The following AK9 variants were observed in gnomAD, a reference collection of about 807,000 sequenced individuals.
AK9 encodes the protein adenylate kinase 9.
A neutral mutation model predicts 239.6 loss-of-function variants in AK9; 191 were observed. The ratio of observed to expected loss-of-function variants is 0.80; its 90% CI spans 0.71 to 0.90. The LOEUF is 0.90. Ranked by LOEUF, AK9 falls within the 40% of genes least tolerant of loss-of-function variation. The probability of loss-of-function intolerance (pLI) is 0.00; values close to 1 mark genes in which losing one functional copy is unlikely to be tolerated. For synonymous variants in AK9, 689 were observed against 721.0 expected, an observed-to-expected ratio of 0.96 and a Z score of 0.71; for missense variants, 1,995 against 2,214.7, an observed-to-expected ratio of 0.90 and a Z score of 1.99.
intron 28 of AK9, among the ~76,000 whole-genome samples, chr6:109,529,311 T>A (rs2128131019): frequency 1.3e-5 from 2 of 152,302 alleles, no homozygotes; most frequent in South Asian, 4.1e-4. Flanking sequence ...CAGTTACTCT[T>A]TCCACAAAGT....
intron 2 of AK9, 123 bp from the exon 3 acceptor site, chr6:109,674,384 A>G: frequency 1.5e-6 from 1 of 680,040 alleles, no homozygotes; most frequent in Non-Finnish European, 2.3e-6. Context: ...TTTTTCCCAT[A>G]AAAAATGAAG....
intron 26 of AK9, among the ~76,000 whole-genome samples, chr6:109,544,647 G>A (rs1172213752): frequency 6.6e-6 from 1 of 152,178 alleles, no homozygotes; most frequent in Non-Finnish European, 1.5e-5. Flanking sequence ...CCAAGCAGAT[G>A]CCACTATGCT....
chr6:109,494,753 T>C (rs1776862281), intron 39 of AK9, among the ~76,000 whole-genome samples: 1 of 138,394 alleles, frequency 7.2e-6, no homozygotes, highest in African/African-American at 2.6e-5. Context: ...TTTTGTAGAC[T>C]TTTTTTAAAA....
At chr6:109,683,946 T>C (rs578258276) in intron 1 of AK9, among the ~76,000 whole-genome samples, 30 of 152,230 alleles carry the variant, frequency 2.0e-4, no homozygotes, top group African/African-American at 7.2e-4. Flanking sequence ...GCCAAGACAA[T>C]CCTAAGCAAT....
At chr6:109,651,067 A>G (rs1252506118) in intron 8 of AK9, among the ~76,000 whole-genome samples, 1 of 149,038 alleles carries the variant, frequency 6.7e-6, no homozygotes, top group Admixed American at 6.7e-5. Flanking sequence ...AACATCACAC[A>G]CCGGGGACTG....
At chr6:109,675,948 C>A (rs543114613) in intron 1 of AK9, among the ~76,000 whole-genome samples, 192 bp from the exon 2 acceptor site, 251 of 151,988 alleles carry the variant, frequency 1.7e-3, no homozygotes, top group African/African-American at 5.8e-3. Flanking sequence ...TAGTTTGAGA[C>A]AAAAACAAAA....
intron 17 of AK9, among the ~76,000 whole-genome samples, chr6:109,593,373 T>C (rs2128220914): frequency 6.6e-6 from 1 of 152,142 alleles, no homozygotes; most frequent in East Asian, 1.9e-4. Context: ...CAGTAATTAA[T>C]AGCCTACCAA....
chr6:109,638,246 C>T (rs1189679308), intron 10 of AK9, among the ~76,000 whole-genome samples: 2 of 152,076 alleles, frequency 1.3e-5, no homozygotes, highest in Non-Finnish European at 2.9e-5. Context: ...CATTGATGAC[C>T]TAGAACAGGA....
Position 109,531,919 on chromosome 6 carries a change from C to G in AK9, c.3570+1332G>C, listed in dbSNP as rs143531252. ...TGATACTGTGCAGACCAGTGATGGC[C>G]TGGGACATGCAACCTTAGTGTGGTG... On this transcript the variant is annotated intron_variant, in intron 28 of 40. Coordinates refer to ENST00000424296, the MANE Select transcript of AK9 (RefSeq NM_001145128.3). 2.6e-4 allele frequency among the ~76,000 whole-genome samples: 39 copies of G among 152,260 alleles called. No individual in the cohort carries two copies. In the East Asian group the frequency reaches 6.2e-3, roughly 24 times the overall value.
chr6:109,637,269 G>A (rs1200926499), intron 10 of AK9, among the ~76,000 whole-genome samples: 2 of 152,132 alleles, frequency 1.3e-5, no homozygotes, highest in Admixed American at 6.5e-5. Context: ...AGTTGTAGTT[G>A]TTCTTTACAT....
Position 109,674,062 on chromosome 6 carries a change from T to C in AK9, c.181+136A>G, listed in dbSNP as rs548173940. On this transcript the variant is annotated intron_variant, in intron 3 of 40. Transcript: ENST00000424296. The stretch of plus-strand genomic sequence containing the variant: ...GGTTGATAGGTGGACAAATGTGTGA[T>C]AAAGCAAATATAGCAAAACGTTAAT... The C allele has an allele frequency of 4.3e-5, 22 of 517,200 alleles. No homozygotes were observed. The East Asian group carries it at 7.6e-4, about 18-fold the overall frequency. 32.0% of individuals were successfully genotyped at this position (517,200 alleles called of 1,614,324 possible).
intron 12 of AK9, among the ~76,000 whole-genome samples, chr6:109,621,913 CAAAAAAAAAACAGAA>C (rs1369890825): frequency 2.8e-5 from 2 of 70,298 alleles, no homozygotes; most frequent in Non-Finnish European, 5.3e-5. Flanking sequence ...AAAAAAAAAA[CAAAAAAAAAACAGAA>C]AGAGAAATTC....
chr6:109,546,271 C>G, intron 25 of AK9, 144 bp from the exon 26 acceptor site: 1 of 690,048 alleles, frequency 1.4e-6, no homozygotes, highest in Non-Finnish European at 2.3e-6. Context: ...CTCAAGGATG[C>G]TTAGATATTA....
At chr6:109,536,489 TAAG>T (rs1782011640) in intron 27 of AK9, among the ~76,000 whole-genome samples, 1 of 152,246 alleles carries the variant, frequency 6.6e-6, no homozygotes, top group Non-Finnish European at 1.5e-5. Context: ...CTTATCAGCT[TAAG>T]GAGATTTGGG....
chr6:109,500,960 G>C (rs886314261), intron 35 of AK9, among the ~76,000 whole-genome samples: 5 of 151,988 alleles, frequency 3.3e-5, no homozygotes, highest in African/African-American at 1.2e-4. Flanking sequence ...GGAGGCTGCA[G>C]TAAGCCACTG....
chr6:109,575,331 G>A (rs1389852398), intron 20 of AK9, among the ~76,000 whole-genome samples: 1 of 151,972 alleles, frequency 6.6e-6, no homozygotes, highest in Non-Finnish European at 1.5e-5. Flanking sequence ...TCACATCCAT[G>A]CCAACATCTA....
intron 1 of AK9, among the ~76,000 whole-genome samples, chr6:109,683,432 T>TA (rs1772979362): frequency 6.6e-6 from 1 of 152,140 alleles, no homozygotes; most frequent in African/African-American, 2.4e-5. Context: ...TAAAGGGTAT[T>TA]CAAATAGGGA....
At chr6:109,497,355 CACACA>C in intron 38 of AK9, 105 bp downstream of exon 38, 1 of 659,990 alleles carries the variant, frequency 1.5e-6, no homozygotes, top group Non-Finnish European at 2.6e-6. Context: ...CACACACACA[CACACA>C]CACTCTCTCT....
chr6:109,519,700 C>A (rs568246980), intron 29 of AK9, among the ~76,000 whole-genome samples: 1 of 151,186 alleles, frequency 6.6e-6, no homozygotes, highest in Non-Finnish European at 1.5e-5. Context: ...GAGGCTGAGA[C>A]AGGAGGACTG....
Sources: gnomAD v4.1 joint callset for allele counts (sites outside exome capture counted in the v4.1 genomes callset) on GRCh38, gnomAD v4.1.1 for gene constraint, MANE v1.5 for transcripts, NCBI Gene and HGNC (gene_info 2026-07-23, HGNC 2026-07-21) for gene names.